CFDP1: variants seen among roughly 807,000 people sequenced by gnomAD.
CFDP1 encodes chromatin remodeling protein CFDP1, also known as heterochromatin-stabilizing protein CFDP1.
In CFDP1, 31 loss-of-function variants were observed where a neutral mutation model predicts 40.1. The ratio of observed to expected loss-of-function variants is 0.77; its 90% CI spans 0.58 to 1.04. The LOEUF is 1.04. Among genes scored for constraint, CFDP1 ranks in the 50% least tolerant of loss-of-function variants. The probability of loss-of-function intolerance (pLI) is 0.00; values close to 1 mark genes in which losing one functional copy is unlikely to be tolerated. For synonymous variants in CFDP1, 167 were observed against 120.0 expected, an observed-to-expected ratio of 1.39 and a Z score of -2.56; for missense variants, 423 against 343.4, an observed-to-expected ratio of 1.23 and a Z score of -1.83.
At chr16:75,347,438 A>AG (rs2078577436) in intron 5 of CFDP1, among the ~76,000 whole-genome samples, 3 of 151,722 alleles carry the variant, frequency 2.0e-5, no homozygotes, top group Admixed American at 6.6e-5. Flanking sequence ...CCAGCACTTT[A>AG]GGAGGCCCAG....
At chr16:75,359,172 A>G (rs919077535) in intron 5 of CFDP1, among the ~76,000 whole-genome samples, 2 of 152,238 alleles carry the variant, frequency 1.3e-5, no homozygotes, top group African/African-American at 4.8e-5. Flanking sequence ...GCGAGATATT[A>G]AAGAAATTTA....
At chr16:75,304,002 T>C (rs2078241269) in intron 6 of CFDP1, among the ~76,000 whole-genome samples, 1 of 152,202 alleles carries the variant, frequency 6.6e-6, no homozygotes, top group African/African-American at 2.4e-5. Flanking sequence ...GTAACTTCCT[T>C]AGTGCCTTCT....
At chr16:75,426,660 A>G (rs1417769124) in intron 1 of CFDP1, among the ~76,000 whole-genome samples, 1 of 151,734 alleles carries the variant, frequency 6.6e-6, no homozygotes, top group African/African-American at 2.4e-5. Context: ...TGGGCAACAG[A>G]GCAAGACTCT....
intron 5 of CFDP1, among the ~76,000 whole-genome samples, chr16:75,363,801 C>G (rs1167710045): frequency 6.6e-6 from 1 of 152,070 alleles, no homozygotes. Flanking sequence ...AGGAGTTTCC[C>G]AAAGATCCTC....
At chr16:75,416,612 T>A (rs2079208885) in intron 1 of CFDP1, among the ~76,000 whole-genome samples, 1 of 151,826 alleles carries the variant, frequency 6.6e-6, no homozygotes. Flanking sequence ...ATACAAAAAT[T>A]AGCTGGGCTT....
chr16:75,406,104 G>C (rs1422991846), intron 4 of CFDP1, among the ~76,000 whole-genome samples: 1 of 152,152 alleles, frequency 6.6e-6, no homozygotes, highest in African/African-American at 2.4e-5. Context: ...GCCAGGTGCA[G>C]TGGCTCATAC....
chr16:75,427,920 T>C (rs1279705070), intron 1 of CFDP1, among the ~76,000 whole-genome samples: 1 of 152,252 alleles, frequency 6.6e-6, no homozygotes, highest in African/African-American at 2.4e-5. Context: ...AGCTAATTAC[T>C]GACATGTGCA....
At chr16:75,361,047 T>C (rs962031327) in intron 5 of CFDP1, among the ~76,000 whole-genome samples, 13 of 152,174 alleles carry the variant, frequency 8.5e-5, no homozygotes, top group South Asian at 2.1e-4. Context: ...TCTTACTCTA[T>C]GGCCCAGGCT....
chr16:75,383,817 T>TA lies in CFDP1; in HGVS notation c.650+11272dup, dbSNP rs35216321. 1.0e-2 allele frequency among the ~76,000 whole-genome samples: 1,273 copies of TA among 127,344 alleles called. 13 individuals are homozygous for TA. Among genetic ancestry groups the TA allele is most frequent in the African/African-American group, 0.029 (983 of 33,878 alleles). 83.5% of individuals were successfully genotyped at this position (127,344 alleles called of 152,430 possible). ...CTGGCAAAAGAGCGAGACTCCGTCT[T>TA]AAAAAAAAAAAAAAAAAAAAGATAC... On this transcript the variant is annotated intron_variant, in intron 5 of 6. Transcript: ENST00000283882.
intron 5 of CFDP1, among the ~76,000 whole-genome samples, chr16:75,379,619 G>C (rs1378642938): frequency 1.3e-5 from 2 of 152,126 alleles, no homozygotes; most frequent in Non-Finnish European, 2.9e-5. Context: ...AGGGCAGGAG[G>C]AAAGTGTATG....
At chr16:75,360,772 T>C (rs1437275343) in intron 5 of CFDP1, among the ~76,000 whole-genome samples, 3 of 152,240 alleles carry the variant, frequency 2.0e-5, no homozygotes, top group African/African-American at 7.2e-5. Flanking sequence ...CAAGCTACCT[T>C]AATTTATATG....
At chr16:75,413,267 C>T (rs2079177740) in intron 2 of CFDP1, among the ~76,000 whole-genome samples, 1 of 152,088 alleles carries the variant, frequency 6.6e-6, no homozygotes, top group Non-Finnish European at 1.5e-5. Flanking sequence ...AGAGCTGGAA[C>T]ATAGAAAAAT....
chr16:75,383,817 T>A (rs1450987639), intron 5 of CFDP1, among the ~76,000 whole-genome samples: 3 of 127,376 alleles, frequency 2.4e-5, no homozygotes, highest in South Asian at 2.6e-4. Flanking sequence ...GACTCCGTCT[T>A]AAAAAAAAAA....
intron 5 of CFDP1, among the ~76,000 whole-genome samples, chr16:75,328,819 C>T (rs771441305): frequency 6.7e-6 from 1 of 150,270 alleles, no homozygotes; most frequent in African/African-American, 2.4e-5. Flanking sequence ...GCTGGGATTA[C>T]AGGCACATGC....
chr16:75,403,861 G>A (rs911746048), intron 4 of CFDP1, among the ~76,000 whole-genome samples: 4 of 152,194 alleles, frequency 2.6e-5, no homozygotes, highest in Non-Finnish European at 5.9e-5. Flanking sequence ...GCCAGGCATG[G>A]TGGCTCACAC....
intron 5 of CFDP1, among the ~76,000 whole-genome samples, chr16:75,343,225 T>C (rs984047564): frequency 6.6e-6 from 1 of 152,108 alleles, no homozygotes; most frequent in East Asian, 1.9e-4. Flanking sequence ...AGTTAAAAAA[T>C]GTTCCAGCAA....
intron 5 of CFDP1, among the ~76,000 whole-genome samples, chr16:75,338,529 G>T (rs981178348): frequency 1.3e-5 from 2 of 152,208 alleles, no homozygotes; most frequent in African/African-American, 4.8e-5. Context: ...TCAGAGCACA[G>T]TGTGAATGAG....
intron 5 of CFDP1, among the ~76,000 whole-genome samples, chr16:75,317,668 G>T (rs1285571498): frequency 6.6e-6 from 1 of 152,190 alleles, no homozygotes; most frequent in East Asian, 1.9e-4. Flanking sequence ...TTCTAACAAA[G>T]ACCATAATGA....
chr16:75,356,448 T>C (rs1693868238), intron 5 of CFDP1, among the ~76,000 whole-genome samples: 1 of 152,130 alleles, frequency 6.6e-6, no homozygotes, highest in African/African-American at 2.4e-5. Flanking sequence ...GTCTCAAAAG[T>C]GGGGTTAAAA....
Sources: allele counts gnomAD v4.1 joint callset (sites outside exome capture counted in the v4.1 genomes callset), GRCh38; gene constraint gnomAD v4.1.1; transcripts MANE v1.5; gene names NCBI Gene and HGNC (gene_info 2026-07-23, HGNC 2026-07-21).